Variants in HTR2C observed in about 807,000 individuals in gnomAD.
HTR2C encodes 5-hydroxytryptamine (serotonin) receptor 2C, G protein-coupled.
A neutral mutation model predicts 21.0 loss-of-function variants in HTR2C; 5 were observed. The ratio of observed to expected loss-of-function variants is 0.24; its 90% CI spans 0.12 to 0.50. The LOEUF is 0.50. HTR2C is among the 20% of genes least tolerant of loss of function. The pLI is 0.98. For synonymous variants in HTR2C, 150 were observed against 145.3 expected, an observed-to-expected ratio of 1.03 and a Z score of -0.23; for missense variants, 271 against 371.2, an observed-to-expected ratio of 0.73 and a Z score of 2.22.
At chrX:114,884,830 C>T (rs1349152144) in intron 5 of HTR2C, among the ~76,000 whole-genome samples, 1 of 111,806 alleles carries the variant, frequency 8.9e-6, no homozygotes, top group Non-Finnish European at 1.9e-5. Context: ...TTAATTTCCA[C>T]GTATTTGTGA....
intron 5 of HTR2C, among the ~76,000 whole-genome samples, chrX:114,870,345 G>A (rs191465782): frequency 7.8e-4 from 87 of 110,913 alleles, no homozygotes; most frequent in African/African-American, 2.6e-3. Context: ...GCCTCCAAAA[G>A]GACTAGGATT....
intron 2 of HTR2C, among the ~76,000 whole-genome samples, chrX:114,697,461 C>T (rs1932313859): frequency 8.9e-6 from 1 of 112,398 alleles, no homozygotes; most frequent in Admixed American, 9.4e-5. Context: ...AGTGCAACTT[C>T]TGATTCTTTC....
intron 5 of HTR2C, among the ~76,000 whole-genome samples, chrX:114,884,692 C>T (rs1409314139): frequency 1.8e-5 from 2 of 111,467 alleles, no homozygotes; most frequent in African/African-American, 6.5e-5. Context: ...GCAACCCTTG[C>T]ACACTTTTGG....
In HTR2C at chrX:114,726,907, A is replaced by G; in HGVS notation, c.-30A>G. ...CTGTTAATTTCGTCTTCTCAATTTT[A>G]AACTTTGGTTGCTTAAGACTGAAGC... On this transcript the variant is annotated 5_prime_UTR_variant, in exon 3 of 6. Coordinates refer to ENST00000276198, the MANE Select transcript of HTR2C (RefSeq NM_000868.4). 9.4e-7 allele frequency: 1 copy of G among 1,064,606 alleles called. No homozygotes were observed. The highest frequency in any genetic ancestry group is 3.0e-5 in the Admixed American group (1 of 33,322). The allele number at this position is 1,064,606 out of a possible 1,213,427, so 87.7% of individuals were successfully genotyped here. A position where few individuals can be genotyped will look rare whatever the true frequency, so the allele number is the denominator to read the frequency against.
At chrX:114,858,312 C>T (rs1556471765) in intron 5 of HTR2C, among the ~76,000 whole-genome samples, 1 of 111,232 alleles carries the variant, frequency 9.0e-6, no homozygotes, top group South Asian at 3.7e-4. Flanking sequence ...CTTAACAATA[C>T]TATGGCTTCC....
At position 114,807,252 on chromosome X, in the gene HTR2C, A is replaced by G. The variant is rs200015910; in HGVS notation, c.350-40751A>G. Among the ~76,000 whole-genome samples, 90 of 11,806 alleles carry G rather than the reference A, an allele frequency of 7.6e-3. 7 individuals carry two copies. Among genetic ancestry groups the G allele is most frequent in the African/African-American group, 0.012 (87 of 7,110 alleles). The allele number at this position is 11,806 out of a possible 115,157, so 10.3% of individuals were successfully genotyped here. On this transcript the variant is annotated intron_variant, in intron 4 of 5. Coordinates refer to ENST00000276198, the MANE Select transcript of HTR2C (RefSeq NM_000868.4). The stretch of plus-strand genomic sequence containing the variant: ...TATACACCATATATATACCATGTAT[A>G]TATACACCATATATATACCATGTAT...
chrX:114,842,119 G>T (rs1438453131), intron 4 of HTR2C, among the ~76,000 whole-genome samples: 2 of 112,049 alleles, frequency 1.8e-5, no homozygotes, highest in Non-Finnish European at 3.8e-5. Context: ...AACAAACAAG[G>T]TAATGCTAAA....
rs782149765 is a variant in HTR2C, at chrX:114,882,485, C to T, written c.551-24104C>T. Reference sequence around the variant, plus strand: ...ATGTCTGCTGTGGGTTTTTCATAAACGCCCTTTACCAAGTTGATGAGTTTC... The same window carrying T: ...ATGTCTGCTGTGGGTTTTTCATAAATGCCCTTTACCAAGTTGATGAGTTTC... On this transcript the variant is annotated intron_variant, in intron 5 of 5. Coordinates refer to ENST00000276198, the MANE Select transcript of HTR2C (RefSeq NM_000868.4). 1.8e-3 allele frequency among the ~76,000 whole-genome samples: 201 copies of T among 110,698 alleles called. 1 individual carries two copies. Among genetic ancestry groups the T allele is most frequent in the Non-Finnish European group, 3.2e-3 (168 of 52,387 alleles).
intron 3 of HTR2C, 84 bp downstream of exon 3, chrX:114,727,055 A>C (rs1007817029): frequency 1.9e-6 from 1 of 531,754 alleles, no homozygotes; most frequent in Admixed American, 5.5e-5. Flanking sequence ...ATGCTTCTAT[A>C]TGATCAGCTA....
intron 5 of HTR2C, among the ~76,000 whole-genome samples, chrX:114,851,783 A>G (rs782813497): frequency 3.6e-5 from 4 of 111,680 alleles, no homozygotes; most frequent in South Asian, 7.5e-4. Context: ...CAGTTCCGAA[A>G]TTAGCCATTT....
intron 2 of HTR2C, among the ~76,000 whole-genome samples, chrX:114,672,649 C>G (rs1931422424): frequency 9.0e-6 from 1 of 111,606 alleles, no homozygotes. Context: ...TGTAAAATAG[C>G]TATAGCTAAT....
chrX:114,639,858 G>T (rs1456707859), intron 2 of HTR2C, among the ~76,000 whole-genome samples: 1 of 111,453 alleles, frequency 9.0e-6, no homozygotes, highest in Non-Finnish European at 1.9e-5. Context: ...TTTTGTAAAA[G>T]TATGAATAGA....
At chrX:114,902,087 T>C (rs2071341091) in intron 5 of HTR2C, among the ~76,000 whole-genome samples, 1 of 111,942 alleles carries the variant, frequency 8.9e-6, no homozygotes, top group South Asian at 3.6e-4. Flanking sequence ...TTTGCTAAAC[T>C]TACTTAATTT....
At chrX:114,806,049 TGC>T (rs1556449217) in intron 4 of HTR2C, among the ~76,000 whole-genome samples, 48 of 90,829 alleles carry the variant, frequency 5.3e-4, no homozygotes, top group Non-Finnish European at 8.6e-4. Context: ...ATATACCATA[TGC>T]ATACCATATA....
intron 4 of HTR2C, among the ~76,000 whole-genome samples, chrX:114,780,479 C>T (rs1437036155): frequency 9.0e-6 from 1 of 111,499 alleles, no homozygotes; most frequent in Non-Finnish European, 1.9e-5. Flanking sequence ...CTCCTTTAAG[C>T]TGACACCCTA....
intron 2 of HTR2C, among the ~76,000 whole-genome samples, chrX:114,673,182 C>A (rs961385059): frequency 1.8e-5 from 2 of 111,840 alleles, no homozygotes; most frequent in Non-Finnish European, 3.8e-5. Flanking sequence ...ACTTTTGGGA[C>A]CTGAATTATC....
chrX:114,876,795 C>T (rs2071141273), intron 5 of HTR2C, among the ~76,000 whole-genome samples: 1 of 110,673 alleles, frequency 9.0e-6, no homozygotes, highest in Non-Finnish European at 1.9e-5. Context: ...AACACTTGGT[C>T]ATGGTGTATG....
intron 4 of HTR2C, among the ~76,000 whole-genome samples, chrX:114,842,639 G>A (rs1556465935): frequency 8.9e-6 from 1 of 111,962 alleles, no homozygotes; most frequent in African/African-American, 3.2e-5. Context: ...AGCCTGGAAA[G>A]ACACTATTCT....
intron 4 of HTR2C, among the ~76,000 whole-genome samples, chrX:114,754,028 T>A: frequency 9.0e-6 from 1 of 111,466 alleles, no homozygotes; most frequent in Non-Finnish European, 1.9e-5. Flanking sequence ...GACTTACACA[T>A]GGTCTTCCCT....
Sources: gnomAD v4.1 joint callset for allele counts (sites outside exome capture counted in the v4.1 genomes callset) on GRCh38, gnomAD v4.1.1 for gene constraint, MANE v1.5 for transcripts, NCBI Gene and HGNC (gene_info 2026-07-23, HGNC 2026-07-21) for gene names.